CACNA2D1: variants seen among roughly 807,000 people sequenced by gnomAD.
The protein encoded by CACNA2D1 is voltage-dependent calcium channel subunit alpha-2/delta-1.
Under a neutral mutation model 171.5 loss-of-function variants are expected in CACNA2D1, and 53 were observed. The observed-to-expected ratio is 0.31, with a 90% CI of 0.25 to 0.39. The LOEUF (loss-of-function observed/expected upper bound fraction) is 0.39, where lower values mean the gene tolerates loss of function less well. Ranked by LOEUF, CACNA2D1 falls within the 10% of genes least tolerant of loss-of-function variation. The pLI, the probability that CACNA2D1 is intolerant of heterozygous loss-of-function variation, is 1.00. For missense variants in CACNA2D1, 903 were observed against 1,299.8 expected (o/e 0.69, Z 4.69); for synonymous variants, 442 against 443.1 (o/e 1.00, Z 0.03).
intron 1 of CACNA2D1, among the ~76,000 whole-genome samples, chr7:82,430,961 T>C (rs6944225): frequency 0.09 from 13,733 of 152,234 alleles, 2,118 homozygotes; most frequent in African/African-American, 0.31. Flanking sequence ...ATTCACTCTC[T>C]GTGGCACAGT....
At chr7:82,090,624 A>C (rs570102180) in intron 6 of CACNA2D1, among the ~76,000 whole-genome samples, 2 of 152,126 alleles carry the variant, frequency 1.3e-5, no homozygotes, top group South Asian at 4.1e-4. Flanking sequence ...TTGTGACAGT[A>C]AATTTTGTCT....
At chr7:82,141,927 A>G (rs1453472241) in intron 4 of CACNA2D1, among the ~76,000 whole-genome samples, 1 of 152,220 alleles carries the variant, frequency 6.6e-6, no homozygotes, top group Non-Finnish European at 1.5e-5. Context: ...TATGGCATAT[A>G]AACTAATTAC....
At chr7:82,363,852 T>G (rs569914573) in intron 1 of CACNA2D1, among the ~76,000 whole-genome samples, 43 of 152,262 alleles carry the variant, frequency 2.8e-4, no homozygotes, top group Non-Finnish European at 5.0e-4. Context: ...CTTCAGACTA[T>G]AGATCTAAGG....
At chr7:82,301,137 C>T (rs143986836) in intron 3 of CACNA2D1, among the ~76,000 whole-genome samples, 137 of 151,826 alleles carry the variant, frequency 9.0e-4, no homozygotes, top group African/African-American at 3.1e-3. Flanking sequence ...TTTTTGATGG[C>T]GGGGGAGGGA....
chr7:82,207,646 C>G (rs1800146315), intron 3 of CACNA2D1, among the ~76,000 whole-genome samples: 2 of 152,126 alleles, frequency 1.3e-5, no homozygotes, highest in African/African-American at 4.8e-5. Context: ...TGTGCTACGG[C>G]CTTAATGAGG....
chr7:82,049,508 C>A (rs902770513), intron 10 of CACNA2D1, among the ~76,000 whole-genome samples: 3 of 152,156 alleles, frequency 2.0e-5, no homozygotes, highest in African/African-American at 7.2e-5. Context: ...TAATCATCTG[C>A]TGAACTTGCT....
rs190874906 is a variant in CACNA2D1 at position 81,985,971 on chromosome 7, C to T, written c.1797-1260G>A. Among the ~76,000 whole-genome samples, 708 of 152,174 alleles carry T rather than the reference C, an allele frequency of 4.7e-3. 3 individuals are homozygous for T. Among genetic ancestry groups the T allele is most frequent in the South Asian group, 0.012 (56 of 4,818 alleles). On this transcript the variant is annotated intron_variant, in intron 21 of 38. Transcript: ENST00000356860. ...GTAATCTTACTTATTTTGAAATTGC[C>T]AATTAATAAAATAAAATAATAAAAC...
chr7:81,951,969 G>GTTTTTTTTTTTTTTTGT (rs1792585308), intron 38 of CACNA2D1, among the ~76,000 whole-genome samples: 2 of 71,914 alleles, frequency 2.8e-5, no homozygotes, highest in African/African-American at 6.1e-5. Context: ...TGTACAAAGT[G>GTTTTTTTTTTTTTTTGT]TTTTTTTTTT....
intron 5 of CACNA2D1, among the ~76,000 whole-genome samples, chr7:82,131,780 G>A (rs1203030633): frequency 6.6e-6 from 1 of 152,156 alleles, no homozygotes; most frequent in Admixed American, 6.5e-5. Flanking sequence ...GTATAAAAGT[G>A]AGAGCAAAGA....
intron 3 of CACNA2D1, among the ~76,000 whole-genome samples, chr7:82,220,191 T>C (rs557358099): frequency 3.3e-5 from 5 of 152,302 alleles, no homozygotes; most frequent in Admixed American, 3.3e-4. Context: ...TGTCAATCAA[T>C]ACAAAAAATA....
At chr7:82,327,162 G>A (rs1695753423) in intron 3 of CACNA2D1, among the ~76,000 whole-genome samples, 1 of 152,134 alleles carries the variant, frequency 6.6e-6, no homozygotes, top group Non-Finnish European at 1.5e-5. Flanking sequence ...ATTAAATCCT[G>A]AAAAAGTCTT....
chr7:82,167,580 A>G (rs562618159), intron 4 of CACNA2D1, among the ~76,000 whole-genome samples: 1 of 152,214 alleles, frequency 6.6e-6, no homozygotes, highest in South Asian at 2.1e-4. Context: ...ACTCTATGGC[A>G]TTTCAAAGGG....
chr7:81,985,122 A>C (rs1796818607), intron 21 of CACNA2D1, among the ~76,000 whole-genome samples: 1 of 151,900 alleles, frequency 6.6e-6, no homozygotes, highest in Admixed American at 6.6e-5. Context: ...TTAACGTATT[A>C]TATATAATGT....
intron 24 of CACNA2D1, among the ~76,000 whole-genome samples, chr7:81,976,240 T>C (rs1465204136): frequency 6.6e-6 from 1 of 152,184 alleles, no homozygotes; most frequent in East Asian, 1.9e-4. Flanking sequence ...GGCTCTTTTT[T>C]GGTTCCATAT....
chr7:82,282,930 A>T (rs547196042), intron 3 of CACNA2D1, among the ~76,000 whole-genome samples: 1 of 152,166 alleles, frequency 6.6e-6, no homozygotes, highest in Non-Finnish European at 1.5e-5. Flanking sequence ...CTAATATAAG[A>T]ATCAAATTAA....
Position 81,959,727 on chromosome 7 carries a change from C to T in CACNA2D1, c.3069G>A (p.Glu1023=), listed in dbSNP as rs1472436231. 1.2e-6 allele frequency: 2 copies of T among 1,611,918 alleles called. No homozygotes were observed. Among genetic ancestry groups the T allele is most frequent in the East Asian group, 2.2e-5 (1 of 44,822 alleles). Residue 1023 remains glutamate, a synonymous_variant, in exon 37 of 39, where the codon GAG becomes GAA. Transcript: ENST00000356860. ...PCDTRLLIQA[E]QTSDGPNPCD... is the part of the protein sequence containing the mutation. The stretch of plus-strand genomic sequence containing the variant: ...TCTGATGTCAAAGGATACAAGTCTG[C>T]TCCGCTTGTATGAGCAGTCGTGTGT...
At chr7:82,102,989 T>C (rs1300109493) in intron 6 of CACNA2D1, among the ~76,000 whole-genome samples, 1 of 152,152 alleles carries the variant, frequency 6.6e-6, no homozygotes, top group Non-Finnish European at 1.5e-5. Flanking sequence ...TGACTTTTAA[T>C]AATTATTTAT....
At chr7:82,344,843 T>C (rs1352193057) in intron 2 of CACNA2D1, among the ~76,000 whole-genome samples, 1 of 152,120 alleles carries the variant, frequency 6.6e-6, no homozygotes, top group Non-Finnish European at 1.5e-5. Flanking sequence ...GCAAAACATA[T>C]GGAATTAATA....
intron 1 of CACNA2D1, among the ~76,000 whole-genome samples, chr7:82,351,828 G>A (rs1341201500): frequency 6.6e-6 from 1 of 152,100 alleles, no homozygotes; most frequent in Non-Finnish European, 1.5e-5. Flanking sequence ...TAATTTAGAT[G>A]AGACTATCTC....
Sources: gnomAD v4.1 joint callset for allele counts (sites outside exome capture counted in the v4.1 genomes callset) on GRCh38, gnomAD v4.1.1 for gene constraint, MANE v1.5 for transcripts, NCBI Gene and HGNC (gene_info 2026-07-23, HGNC 2026-07-21) for gene names.